The following ATRN variants were observed in gnomAD, a reference collection of about 807,000 sequenced individuals.
ATRN encodes the protein attractin-2.
Under a neutral mutation model 178.7 loss-of-function variants are expected in ATRN, and 54 were observed. The observed-to-expected ratio is 0.30, with a 90% CI of 0.24 to 0.38. The LOEUF is 0.38. Ranked by LOEUF, ATRN falls within the 10% of genes least tolerant of loss-of-function variation. The pLI, the probability that ATRN is intolerant of heterozygous loss-of-function variation, is 1.00. For synonymous variants in ATRN, 636 were observed against 663.0 expected (o/e 0.96, Z 0.63); for missense variants, 1,443 against 1,815.1 (o/e 0.79, Z 3.73).
rs568356903 is a variant in ATRN at position 3,546,727 on chromosome 20, C to T, written c.738-557C>T. Among the ~76,000 whole-genome samples the T allele has an allele frequency of 5.7e-4, 86 of 152,164 alleles. 1 individual carries two copies. Among genetic ancestry groups the T allele is most frequent in the Non-Finnish European group, 1.0e-3 (70 of 67,982 alleles). On this transcript the variant is annotated intron_variant, in intron 4 of 28. Transcript: ENST00000262919. Reference sequence around the variant, plus strand: ...CTTACATTAAGTTAAACTAGCCTGCCTTCTTCCATCTGAAATGAGTAGATA... The same window carrying T: ...CTTACATTAAGTTAAACTAGCCTGCTTTCTTCCATCTGAAATGAGTAGATA...
rs117759978 is a variant in ATRN at position 3,561,023 on chromosome 20, A to C, written c.1447+118A>C. 478 of 1,324,532 alleles carry C rather than the reference A, an allele frequency of 3.6e-4. 5 individuals are homozygous for C. The East Asian group carries it at 0.011, about 29-fold the overall frequency. The allele number at this position is 1,324,532 out of a possible 1,614,324, so 82.0% of individuals were successfully genotyped here. A position where few individuals can be genotyped will look rare whatever the true frequency, so the allele number is the denominator to read the frequency against. On this transcript the variant is annotated intron_variant, in intron 8 of 28. Coordinates refer to ENST00000262919, the MANE Select transcript of ATRN (RefSeq NM_139321.3). The stretch of plus-strand genomic sequence containing the variant: ...TCTTGATTCGGTACTTTATCTTGAA[A>C]CATAGTAAACACTGGGCCCAGGCGT...
intron 18 of ATRN, among the ~76,000 whole-genome samples, chr20:3,585,103 C>T (rs1482207199): frequency 6.6e-6 from 1 of 152,152 alleles, no homozygotes; most frequent in Non-Finnish European, 1.5e-5. Flanking sequence ...AAGAAATTGG[C>T]CTTTGATTCA....
chr20:3,526,777 A>G (rs1425651326), intron 1 of ATRN, among the ~76,000 whole-genome samples: 3 of 152,228 alleles, frequency 2.0e-5, no homozygotes, highest in African/African-American at 7.2e-5. Flanking sequence ...ATAACGCCAC[A>G]CATCTGCAAC....
chr20:3,633,978 G>A (rs1832271488), intron 25 of ATRN, among the ~76,000 whole-genome samples: 1 of 152,104 alleles, frequency 6.6e-6, no homozygotes, highest in Admixed American at 6.5e-5. Flanking sequence ...TAAACAGCAT[G>A]ACTAATATTT....
intron 1 of ATRN, among the ~76,000 whole-genome samples, chr20:3,501,746 C>T (rs2084967906): frequency 1.3e-5 from 2 of 152,010 alleles, no homozygotes; most frequent in African/African-American, 2.4e-5. Context: ...GGGGACTGGC[C>T]GATTTGAGAT....
intron 1 of ATRN, among the ~76,000 whole-genome samples, chr20:3,493,436 C>T (rs1473672361): frequency 1.3e-5 from 2 of 151,448 alleles, no homozygotes; most frequent in African/African-American, 2.4e-5. Context: ...TTTGGGATTA[C>T]AGGTGTGAGT....
At chr20:3,486,055 A>G (rs906476628) in intron 1 of ATRN, among the ~76,000 whole-genome samples, 3 of 152,132 alleles carry the variant, frequency 2.0e-5, no homozygotes. Context: ...ATTTTCTTTG[A>G]GCAATTTGAA....
chr20:3,642,314 C>T (rs1016790042), intron 27 of ATRN, among the ~76,000 whole-genome samples: 13 of 152,240 alleles, frequency 8.5e-5, no homozygotes, highest in African/African-American at 3.1e-4. Context: ...ACTTGGATAT[C>T]TTAACATGGC....
intron 1 of ATRN, among the ~76,000 whole-genome samples, chr20:3,508,797 A>G (rs188195604): frequency 6.6e-6 from 1 of 152,290 alleles, no homozygotes; most frequent in East Asian, 1.9e-4. Context: ...GAATTGAAAT[A>G]TACACCAACA....
chr20:3,545,397 G>A (rs2085686813), intron 3 of ATRN, among the ~76,000 whole-genome samples: 1 of 150,348 alleles, frequency 6.7e-6, no homozygotes, highest in Admixed American at 6.6e-5. Flanking sequence ...AAAACCTCAT[G>A]TCTTTCAGCA....
At chr20:3,509,942 C>G (rs1320003842) in intron 1 of ATRN, among the ~76,000 whole-genome samples, 1 of 152,178 alleles carries the variant, frequency 6.6e-6, no homozygotes, top group African/African-American at 2.4e-5. Context: ...TCACCCCTCC[C>G]TCCACATAAG....
At chr20:3,567,022 G>A (rs888970115) in intron 11 of ATRN, among the ~76,000 whole-genome samples, 2 of 151,952 alleles carry the variant, frequency 1.3e-5, no homozygotes, top group African/African-American at 4.8e-5. Context: ...TCTTATATAA[G>A]GTAATTATTT....
chr20:3,555,162 C>T (rs968965406), intron 6 of ATRN, among the ~76,000 whole-genome samples: 9 of 151,906 alleles, frequency 5.9e-5, no homozygotes, highest in African/African-American at 1.2e-4. Flanking sequence ...CCACCTCGCC[C>T]GGCTAATTTT....
At chr20:3,591,631 G>T (rs775997379) in intron 19 of ATRN, among the ~76,000 whole-genome samples, 2 of 152,156 alleles carry the variant, frequency 1.3e-5, no homozygotes, top group African/African-American at 2.4e-5. Flanking sequence ...AATAGTCAGA[G>T]GGATCAGCTC....
At chr20:3,591,732 G>A (rs2086445995) in intron 19 of ATRN, among the ~76,000 whole-genome samples, 1 of 152,182 alleles carries the variant, frequency 6.6e-6, no homozygotes, top group Admixed American at 6.5e-5. Context: ...AGGGCAAGGT[G>A]TAAGGGCTAG....
chr20:3,542,827 C>T (rs370324213), intron 3 of ATRN, among the ~76,000 whole-genome samples: 71 of 139,394 alleles, frequency 5.1e-4, no homozygotes, highest in African/African-American at 1.7e-3. Context: ...TTTGTAGAGA[C>T]GGGGTCTCAC....
At chr20:3,544,586 AAAAC>A (rs2085671674) in intron 3 of ATRN, among the ~76,000 whole-genome samples, 1 of 152,186 alleles carries the variant, frequency 6.6e-6, no homozygotes, top group African/African-American at 2.4e-5. Context: ...AGACATAAGA[AAAAC>A]AATTAACCTC....
intron 1 of ATRN, among the ~76,000 whole-genome samples, chr20:3,505,837 T>C (rs1419340919): frequency 6.6e-6 from 1 of 152,190 alleles, no homozygotes; most frequent in Non-Finnish European, 1.5e-5. Flanking sequence ...TAATATTTGA[T>C]AAATTAGACT....
At chr20:3,489,274 T>C (rs2084745568) in intron 1 of ATRN, among the ~76,000 whole-genome samples, 1 of 152,208 alleles carries the variant, frequency 6.6e-6, no homozygotes, top group South Asian at 2.1e-4. Flanking sequence ...TTTTATACTT[T>C]TGTAAATTGT....
Sources: gnomAD v4.1 joint callset for allele counts (sites outside exome capture counted in the v4.1 genomes callset) on GRCh38, gnomAD v4.1.1 for gene constraint, MANE v1.5 for transcripts, NCBI Gene and HGNC (gene_info 2026-07-23, HGNC 2026-07-21) for gene names.